Variants in ARFGEF3 observed in about 807,000 individuals in gnomAD.
The protein encoded by ARFGEF3 is brefeldin A-inhibited guanine nucleotide-exchange protein 3.
A neutral mutation model predicts 221.7 loss-of-function variants in ARFGEF3; 96 were observed. The ratio of observed to expected loss-of-function variants is 0.43; its 90% CI spans 0.37 to 0.51. ARFGEF3 has a LOEUF of 0.51. Among genes scored for constraint, ARFGEF3 ranks in the 20% least tolerant of loss-of-function variants. ARFGEF3 has a pLI of 0.00. For missense variants in ARFGEF3, 2,410 were observed against 2,789.9 expected (o/e 0.86, Z 3.07); for synonymous variants, 1,145 against 1,126.8 (o/e 1.02, Z -0.32).
intron 22 of ARFGEF3, among the ~76,000 whole-genome samples, chr6:138,299,539 T>TAG (rs1270293180): frequency 6.6e-6 from 1 of 152,146 alleles, no homozygotes; most frequent in African/African-American, 2.4e-5. Flanking sequence ...AAACGTTGAA[T>TAG]AGAGGTTTAA....
At chr6:138,223,246 TA>T (rs1255201349) in intron 4 of ARFGEF3, among the ~76,000 whole-genome samples, 2 of 152,146 alleles carry the variant, frequency 1.3e-5, no homozygotes. Context: ...AATTTGACAG[TA>T]AAAAAAGAAC....
chr6:138,304,716 C>T (rs547901743), intron 22 of ARFGEF3, among the ~76,000 whole-genome samples: 62 of 152,248 alleles, frequency 4.1e-4, no homozygotes, highest in Non-Finnish European at 7.8e-4. Context: ...TTGATTCTTA[C>T]TATAAGTGAT....
In ARFGEF3 at chr6:138,317,339, T is replaced by G; in HGVS notation, c.4434T>G (p.Asp1478Glu). 1 of 1,614,008 alleles carries G rather than the reference T, an allele frequency of 6.2e-7. No homozygotes were observed. The change falls in exon 27 of 34, where the codon GAT (aspartate) becomes GAG (glutamate). Residue 1478 changes from aspartate (D) to glutamate (E), a missense_variant. Physicochemically the swap from Asp to Glu is conservative, Grantham distance 45. Transcript: ENST00000251691. The part of the protein sequence containing the change: ...CPRQHQPPTL[D>E]LLFELLRDVT... ...GGCAGCACCAACCACCAACTCTGGA[T>G]TTACTCTTTGAGCTGTTGAGAGATG... is the stretch of plus-strand genomic sequence containing the variant.
intron 2 of ARFGEF3, among the ~76,000 whole-genome samples, chr6:138,192,806 C>T (rs1426538187): frequency 6.6e-6 from 1 of 152,236 alleles, no homozygotes; most frequent in East Asian, 1.9e-4. Context: ...ATATTAGTTC[C>T]ATATTTTTAG....
At chr6:138,218,416 TTGTAGCTC>T in intron 4 of ARFGEF3, 1 of 1,516,174 alleles carries the variant, frequency 6.6e-7, no homozygotes, top group East Asian at 2.5e-5. Context: ...GTAAATTGAA[TTGTAGCTC>T]TGTAGCATAG....
At chr6:138,168,643 G>T (rs1302328258) in intron 1 of ARFGEF3, among the ~76,000 whole-genome samples, 1 of 152,200 alleles carries the variant, frequency 6.6e-6, no homozygotes, top group Non-Finnish European at 1.5e-5. Flanking sequence ...GTGACAGCTT[G>T]GACCAAAGTG....
At chr6:138,206,697 G>A (rs1388258868) in intron 2 of ARFGEF3, among the ~76,000 whole-genome samples, 1 of 152,182 alleles carries the variant, frequency 6.6e-6, no homozygotes, top group South Asian at 2.1e-4. Flanking sequence ...ACCCCCAGGT[G>A]TGCTGGGTGT....
rs1780435968 is a variant in ARFGEF3 at position 138,341,872 on chromosome 6, C to T, written c.*5386C>T. 6.6e-6 allele frequency: 1 copy of T among 152,152 alleles called. No individual in the cohort carries two copies. The highest frequency in any genetic ancestry group is 6.5e-5 in the Admixed American group (1 of 15,274). The allele number at this position is 152,152 out of a possible 1,614,324, so 9.4% of individuals were successfully genotyped here. A position where few individuals can be genotyped will look rare whatever the true frequency, so the allele number is the denominator to read the frequency against. ...TTTCTTTATAAATTGTGGTACCACTCCATCATTGAAGAGAAACCACTACCA... is the reference window on the plus strand; with the variant it reads ...TTTCTTTATAAATTGTGGTACCACTTCATCATTGAAGAGAAACCACTACCA... On this transcript the variant is annotated 3_prime_UTR_variant, in exon 34 of 34. Coordinates refer to ENST00000251691, the MANE Select transcript of ARFGEF3 (RefSeq NM_020340.5).
At chr6:138,220,645 A>G (rs545473017) in intron 4 of ARFGEF3, among the ~76,000 whole-genome samples, 3 of 152,226 alleles carry the variant, frequency 2.0e-5, no homozygotes, top group African/African-American at 7.2e-5. Context: ...AGTCTTTTCC[A>G]CTCAACCTTT....
intron 2 of ARFGEF3, among the ~76,000 whole-genome samples, chr6:138,197,377 T>G (rs552854115): frequency 6.6e-6 from 1 of 152,306 alleles, no homozygotes; most frequent in South Asian, 2.1e-4. Flanking sequence ...TTAACTTTTT[T>G]CTTTATAAGT....
intron 8 of ARFGEF3, among the ~76,000 whole-genome samples, chr6:138,253,163 T>C (rs1778609577): frequency 6.6e-6 from 1 of 152,218 alleles, no homozygotes; most frequent in South Asian, 2.1e-4. Context: ...TGCCATAAAC[T>C]ATGGACTTTA....
At chr6:138,273,849 T>A (rs1779047139) in intron 12 of ARFGEF3, among the ~76,000 whole-genome samples, 2 of 152,226 alleles carry the variant, frequency 1.3e-5, no homozygotes, top group South Asian at 4.1e-4. Flanking sequence ...GTAAACTATA[T>A]CTGACATAGC....
chr6:138,188,800 G>A (rs762795568), intron 2 of ARFGEF3, among the ~76,000 whole-genome samples: 3 of 152,208 alleles, frequency 2.0e-5, no homozygotes, highest in Non-Finnish European at 4.4e-5. Flanking sequence ...CAGCTGACCT[G>A]CAGGCTGGAA....
chr6:138,300,902 TG>T (rs1366563122), intron 22 of ARFGEF3, among the ~76,000 whole-genome samples: 2 of 152,270 alleles, frequency 1.3e-5, no homozygotes, highest in Non-Finnish European at 2.9e-5. Context: ...AGTGCCTTTC[TG>T]ACAGAAGATT....
intron 10 of ARFGEF3, among the ~76,000 whole-genome samples, chr6:138,259,920 A>G (rs961406843): frequency 6.6e-6 from 1 of 152,208 alleles, no homozygotes; most frequent in South Asian, 2.1e-4. Flanking sequence ...TCTTTAAAAA[A>G]AAAAATTATC....
At chr6:138,220,164 C>T (rs933333700) in intron 4 of ARFGEF3, among the ~76,000 whole-genome samples, 1 of 152,064 alleles carries the variant, frequency 6.6e-6, no homozygotes, top group African/African-American at 2.4e-5. Flanking sequence ...CTATGCTCAA[C>T]CAATTTTTGT....
intron 4 of ARFGEF3, chr6:138,217,986 GT>G: frequency 6.2e-7 from 1 of 1,602,432 alleles, no homozygotes. Flanking sequence ...AGGGCTGAGA[GT>G]TTATATGATC....
At chr6:138,203,581 T>C (rs772973593) in intron 2 of ARFGEF3, among the ~76,000 whole-genome samples, 8 of 152,242 alleles carry the variant, frequency 5.3e-5, no homozygotes, top group Non-Finnish European at 1.2e-4. Context: ...GGTTGAATGA[T>C]GGAGTGCCTT....
intron 1 of ARFGEF3, among the ~76,000 whole-genome samples, chr6:138,166,171 A>G (rs757380670): frequency 3.3e-5 from 5 of 152,244 alleles, no homozygotes; most frequent in Non-Finnish European, 7.3e-5. Context: ...TTCTGCACCT[A>G]TAGTGGAAGG....
Sources: gnomAD v4.1 joint callset for allele counts (sites outside exome capture counted in the v4.1 genomes callset) on GRCh38, gnomAD v4.1.1 for gene constraint, MANE v1.5 for transcripts, NCBI Gene and HGNC (gene_info 2026-07-23, HGNC 2026-07-21) for gene names.